LUZP1: variants seen among roughly 807,000 people sequenced by gnomAD.
The protein encoded by LUZP1 is filamin mechanobinding actin cross-linking protein.
A neutral mutation model predicts 71.3 loss-of-function variants in LUZP1; 25 were observed. That is an observed-to-expected ratio of 0.35 (90% CI 0.26 to 0.49). The LOEUF (loss-of-function observed/expected upper bound fraction) is 0.49, where lower values mean the gene tolerates loss of function less well. Among genes scored for constraint, LUZP1 ranks in the 20% least tolerant of loss-of-function variants. The pLI, the probability that LUZP1 is intolerant of heterozygous loss-of-function variation, is 0.99. For missense variants in LUZP1, 1,142 were observed against 1,300.8 expected (o/e 0.88, Z 1.88); for synonymous variants, 481 against 506.4 (o/e 0.95, Z 0.67).
At chr1:23,141,760 G>C (rs986609179) in intron 2 of LUZP1, among the ~76,000 whole-genome samples, 1 of 152,090 alleles carries the variant, frequency 6.6e-6, no homozygotes, top group African/African-American at 2.4e-5. Flanking sequence ...GTTCACTGGA[G>C]CCTTGACCTC....
At chr1:23,145,461 T>C (rs1644335504) in intron 2 of LUZP1, among the ~76,000 whole-genome samples, 1 of 151,704 alleles carries the variant, frequency 6.6e-6, no homozygotes, top group Non-Finnish European at 1.5e-5. Flanking sequence ...GCAGATACTA[T>C]TAATCTCTTT....
Position 23,121,669 on chromosome 1 carries a change from G to A in LUZP1, c.-225-12542C>T, listed in dbSNP as rs569184279. Among the ~76,000 whole-genome samples the A allele has an allele frequency of 5.3e-5, 8 of 152,274 alleles. No homozygotes were observed. In the South Asian group the frequency reaches 1.0e-3, roughly 20 times the overall value. On this transcript the variant is annotated intron_variant, in intron 2 of 4. Coordinates refer to ENST00000302291, the Ensembl canonical transcript of LUZP1. ...CCAGAGGTCAAGGCTGCAGTGAGCCGAGATCAAGTCACTGCACTCCAGATG... is the reference window on the plus strand; with the variant it reads ...CCAGAGGTCAAGGCTGCAGTGAGCCAAGATCAAGTCACTGCACTCCAGATG...
chr1:23,096,983 A>C (rs1053418735), intron 3 of LUZP1, among the ~76,000 whole-genome samples: 2 of 152,146 alleles, frequency 1.3e-5, no homozygotes, highest in African/African-American at 4.8e-5. Flanking sequence ...CAAAAAGAAC[A>C]GAAATTATTT....
At chr1:23,123,975 A>G (rs1644150360) in intron 2 of LUZP1, among the ~76,000 whole-genome samples, 1 of 152,176 alleles carries the variant, frequency 6.6e-6, no homozygotes, top group South Asian at 2.1e-4. Flanking sequence ...AAAAAAACAA[A>G]AACATTCAGA....
At chr1:23,176,948 C>G (rs1217310550) in intron 1 of LUZP1, among the ~76,000 whole-genome samples, 1 of 152,136 alleles carries the variant, frequency 6.6e-6, no homozygotes, top group Non-Finnish European at 1.5e-5. Flanking sequence ...GTGACACAAT[C>G]ACCCCTCACC....
Position 23,133,275 on chromosome 1 carries a change from A to G in LUZP1, c.-225-24148T>C, listed in dbSNP as rs371816356. 5.6e-4 allele frequency among the ~76,000 whole-genome samples: 85 copies of G among 152,314 alleles called. 1 individual carries two copies. In the South Asian group the frequency reaches 0.017, roughly 31 times the overall value. The stretch of plus-strand genomic sequence containing the variant: ...AAAATATTATTTAATTATTATTGCT[A>G]TTATTACTTAGGCAGATATTAAGAA... On this transcript the variant is annotated intron_variant, in intron 2 of 4. Coordinates refer to ENST00000302291, the Ensembl canonical transcript of LUZP1.
At chr1:23,155,489 G>T (rs1644414238) in intron 2 of LUZP1, among the ~76,000 whole-genome samples, 1 of 152,182 alleles carries the variant, frequency 6.6e-6, no homozygotes, top group Admixed American at 6.5e-5. Flanking sequence ...TCTGCAAAAT[G>T]AGGATAATAA....
exon 4 of LUZP1, chr1:23,092,183 C>G: frequency 6.2e-7 from 1 of 1,614,074 alleles, no homozygotes; most frequent in Non-Finnish European, 8.5e-7. Flanking sequence ...GGGTTTTAGC[C>G]TTTTCTCTAG....
intron 2 of LUZP1, among the ~76,000 whole-genome samples, chr1:23,118,031 AAC>A: frequency 6.6e-6 from 1 of 152,134 alleles, no homozygotes; most frequent in African/African-American, 2.4e-5. Context: ...TGGAGGCTGC[AAC>A]GAGCTGAGAT....
At chr1:23,131,875 G>A (rs192813714) in intron 2 of LUZP1, among the ~76,000 whole-genome samples, 44 of 152,220 alleles carry the variant, frequency 2.9e-4, no homozygotes, top group Admixed American at 7.2e-4. Flanking sequence ...TAGTAGAGAC[G>A]AGGTTTCGCC....
chr1:23,089,601 C>CTTTTTTTTTTTTTTTTTTTTTTTTTTTT (rs11458975), intron 4 of LUZP1, among the ~76,000 whole-genome samples: 1 of 150,804 alleles, frequency 6.6e-6, no homozygotes, highest in Non-Finnish European at 1.5e-5. Flanking sequence ...AGAATTCTAC[C>CTTTTTTTTTTTTTTTTTTTTTTTTTTTT]TTTTTTTTTG....
At chr1:23,091,400 C>T in exon 4 of LUZP1, 1 of 1,614,166 alleles carries the variant, frequency 6.2e-7, no homozygotes, top group Non-Finnish European at 8.5e-7. Flanking sequence ...TGGAAGACCT[C>T]TGGGTGTAGG....
chr1:23,146,824 G>A (rs1231129154), intron 2 of LUZP1, among the ~76,000 whole-genome samples: 1 of 151,836 alleles, frequency 6.6e-6, no homozygotes, highest in Non-Finnish European at 1.5e-5. Flanking sequence ...TAGGCTGGGC[G>A]CGATGGCTCA....
chr1:23,121,541 G>A (rs918208035), intron 2 of LUZP1, among the ~76,000 whole-genome samples: 2 of 152,076 alleles, frequency 1.3e-5, no homozygotes, highest in African/African-American at 4.8e-5. Flanking sequence ...AACATAGTAA[G>A]ACCTTGTCTC....
intron 4 of LUZP1, among the ~76,000 whole-genome samples, chr1:23,090,234 T>C (rs1266258151): frequency 6.6e-6 from 1 of 152,162 alleles, no homozygotes; most frequent in Non-Finnish European, 1.5e-5. Flanking sequence ...AGGTAAGATA[T>C]TTTGTGTTTC....
exon 4 of LUZP1, chr1:23,091,369 G>C: frequency 3.7e-6 from 6 of 1,614,180 alleles, no homozygotes; most frequent in Non-Finnish European, 5.1e-6. Flanking sequence ...GACCTGGGCT[G>C]TTCGAGTTCT....
chr1:23,177,960 G>A (rs1324541358), upstream of LUZP1, among the ~76,000 whole-genome samples: 2 of 152,258 alleles, frequency 1.3e-5, no homozygotes, highest in Non-Finnish European at 2.9e-5. Context: ...CCGGCCGGGG[G>A]ATGGGACCCA....
At chr1:23,096,104 A>G (rs1186875236) in intron 3 of LUZP1, among the ~76,000 whole-genome samples, 1 of 149,208 alleles carries the variant, frequency 6.7e-6, no homozygotes, top group Non-Finnish European at 1.5e-5. Flanking sequence ...GTACATTCCA[A>G]TGTTTAAAGT....
intron 2 of LUZP1, among the ~76,000 whole-genome samples, chr1:23,131,377 G>A (rs1232173971): frequency 6.6e-6 from 1 of 152,004 alleles, no homozygotes; most frequent in Non-Finnish European, 1.5e-5. Context: ...AGCTAAAGCT[G>A]CACTCCTCTC....
Sources: allele counts gnomAD v4.1 joint callset (sites outside exome capture counted in the v4.1 genomes callset), GRCh38; gene constraint gnomAD v4.1.1; transcripts MANE v1.5; gene names NCBI Gene and HGNC (gene_info 2026-07-23, HGNC 2026-07-21).